GIGYF2: variants seen among roughly 807,000 people sequenced by gnomAD.
GIGYF2 encodes the protein GRB10-interacting GYF protein 2.
In GIGYF2, 25 loss-of-function variants were observed where a neutral mutation model predicts 208.1. The observed-to-expected ratio is 0.12, with a 90% CI of 0.09 to 0.17. The LOEUF is 0.17. GIGYF2 is among the 10% of genes least tolerant of loss of function. GIGYF2 has a pLI of 1.00. For synonymous variants in GIGYF2, 534 were observed against 543.8 expected (o/e 0.98, Z 0.25); for missense variants, 1,302 against 1,579.4 (o/e 0.82, Z 2.98).
chr2:232,792,100 T>C (rs1000071374), intron 12 of GIGYF2, among the ~76,000 whole-genome samples: 3 of 152,226 alleles, frequency 2.0e-5, no homozygotes, highest in Non-Finnish European at 2.9e-5. Flanking sequence ...ATCTGGCATC[T>C]GCTTCCCTTT....
At chr2:232,845,942 G>C in intron 26 of GIGYF2, 56 bp downstream of exon 26, 1 of 1,231,918 alleles carries the variant, frequency 8.1e-7, no homozygotes, top group South Asian at 1.2e-5. Context: ...GACCCACAGA[G>C]AGGCTGGCAA....
At chr2:232,756,078 G>A in intron 5 of GIGYF2, 145 bp from the exon 6 acceptor site, 1 of 602,022 alleles carries the variant, frequency 1.7e-6, no homozygotes, top group South Asian at 2.2e-5. Context: ...TGCAGTTATG[G>A]TTTTCCATTG....
intron 22 of GIGYF2, among the ~76,000 whole-genome samples, chr2:232,836,813 T>C (rs982872435): frequency 6.6e-6 from 1 of 152,140 alleles, no homozygotes; most frequent in African/African-American, 2.4e-5. Context: ...ACTTCTACTG[T>C]TTCTGAAAAC....
chr2:232,855,049 G>A (rs1038176396), intron 28 of GIGYF2, among the ~76,000 whole-genome samples: 2 of 150,664 alleles, frequency 1.3e-5, no homozygotes, highest in Non-Finnish European at 3.0e-5. Context: ...TTGGGCATTC[G>A]GCATTAGGTT....
intron 8 of GIGYF2, among the ~76,000 whole-genome samples, chr2:232,764,091 G>A (rs1263019383): frequency 6.6e-6 from 1 of 152,158 alleles, no homozygotes; most frequent in Non-Finnish European, 1.5e-5. Context: ...ATATTGTGAG[G>A]GATATCTATG....
chr2:232,836,565 C>CAA (rs554171454), intron 22 of GIGYF2, among the ~76,000 whole-genome samples: 13 of 55,788 alleles, frequency 2.3e-4, no homozygotes, highest in Admixed American at 4.2e-4. Flanking sequence ...GACCCTGTCT[C>CAA]AAAAAAAAAA....
At chr2:232,725,007 A>T (rs1360416233) in intron 2 of GIGYF2, among the ~76,000 whole-genome samples, 1 of 152,220 alleles carries the variant, frequency 6.6e-6, no homozygotes, top group East Asian at 1.9e-4. Context: ...ATATATATCC[A>T]GTGTATTTTA....
chr2:232,839,683 G>A (rs1011282772), intron 22 of GIGYF2, among the ~76,000 whole-genome samples, 166 bp from the exon 23 acceptor site: 2 of 152,218 alleles, frequency 1.3e-5, no homozygotes, highest in African/African-American at 2.4e-5. Context: ...AGCAAAAGAA[G>A]CTGAGAGGAT....
chr2:232,701,339 C>T (rs1012220707), intron 1 of GIGYF2, among the ~76,000 whole-genome samples: 3 of 151,732 alleles, frequency 2.0e-5, no homozygotes, highest in African/African-American at 7.2e-5. Context: ...TGGCTCACTA[C>T]AGCCTGTGAT....
rs139791725 is a variant in GIGYF2, at chr2:232,746,894, C to A, written c.42-721C>A. 5.6e-3 allele frequency among the ~76,000 whole-genome samples: 854 copies of A among 152,216 alleles called. 6 individuals are homozygous for A. The highest frequency in any genetic ancestry group is 8.3e-3 in the Admixed American group (127 of 15,286). On this transcript the variant is annotated intron_variant, in intron 3 of 28. Transcript: ENST00000373563. ...AACATTGTAGGTACAATTAAAGCTG[C>A]CTTTATAATCTTAATCTTTTGCAGA...
intron 2 of GIGYF2, among the ~76,000 whole-genome samples, chr2:232,726,108 C>T (rs1410728959): frequency 1.3e-5 from 2 of 152,074 alleles, no homozygotes; most frequent in African/African-American, 2.4e-5. Flanking sequence ...ACCTGTAATC[C>T]ACCTGTAATC....
chr2:232,858,515 G>T lies in GIGYF2; in HGVS notation c.*1655G>T, dbSNP rs1331439124. 4.4e-6 allele frequency: 2 copies of T among 456,320 alleles called. No individual in the cohort carries two copies. Among genetic ancestry groups the T allele is most frequent in the Admixed American group, 4.7e-5 (2 of 42,548 alleles). 28.3% of individuals were successfully genotyped at this position (456,320 alleles called of 1,614,324 possible). On this transcript the variant is annotated 3_prime_UTR_variant, in exon 29 of 29. Transcript: ENST00000373563. ...CTTTGCTTTGTAAATTCAAAAGTTG[G>T]GGGTGGGTAAGAGGGATAGTTAAAA...
chr2:232,710,692 CTT>C (rs35154227), intron 2 of GIGYF2, among the ~76,000 whole-genome samples: 47 of 113,922 alleles, frequency 4.1e-4, no homozygotes, highest in South Asian at 2.7e-3. Flanking sequence ...TCTTGGTGTT[CTT>C]TTTTTTTTTT....
chr2:232,749,872 A>G (rs1024438298), intron 5 of GIGYF2, among the ~76,000 whole-genome samples: 1 of 152,118 alleles, frequency 6.6e-6, no homozygotes, highest in Non-Finnish European at 1.5e-5. Context: ...GAGGGTTTTA[A>G]ACTATGAAAT....
intron 2 of GIGYF2, among the ~76,000 whole-genome samples, chr2:232,715,520 T>C (rs141625977): frequency 3.4e-4 from 52 of 152,202 alleles, no homozygotes; most frequent in African/African-American, 1.2e-3. Context: ...CAAGGTTTCA[T>C]GTATAGTGTA....
At chr2:232,846,310 A>T (rs541249930) in intron 26 of GIGYF2, among the ~76,000 whole-genome samples, 2 of 152,348 alleles carry the variant, frequency 1.3e-5, no homozygotes, top group East Asian at 3.9e-4. Context: ...GGGAATTGTG[A>T]TAAAGCAAGT....
At chr2:232,795,877 C>T (rs1484222261) in intron 13 of GIGYF2, among the ~76,000 whole-genome samples, 185 bp from the exon 14 acceptor site, 1 of 152,092 alleles carries the variant, frequency 6.6e-6, no homozygotes, top group Non-Finnish European at 1.5e-5. Context: ...TTTAGCATCC[C>T]CCTCTGTAAA....
At chr2:232,832,314 G>A (rs142186899) in intron 21 of GIGYF2, among the ~76,000 whole-genome samples, 1,765 of 152,336 alleles carry the variant, frequency 0.012, 14 homozygotes, top group Non-Finnish European at 0.018. Context: ...GAAGCAGAAG[G>A]AAAATGAGCC....
intron 2 of GIGYF2, among the ~76,000 whole-genome samples, chr2:232,733,979 AT>A (rs930776657): frequency 3.3e-5 from 5 of 151,772 alleles, no homozygotes; most frequent in African/African-American, 1.2e-4. Context: ...AGTATTTTCC[AT>A]TTTTTTAAGC....
Sources: gnomAD v4.1 joint callset for allele counts (sites outside exome capture counted in the v4.1 genomes callset) on GRCh38, gnomAD v4.1.1 for gene constraint, MANE v1.5 for transcripts, NCBI Gene and HGNC (gene_info 2026-07-23, HGNC 2026-07-21) for gene names.